The following NXPE4 variants were observed in gnomAD, a reference collection of about 807,000 sequenced individuals.
The protein encoded by NXPE4 is neurexophilin and PC-esterase domain family member 4, also known as NXPE family member 4.
NXPE4 carries 42 observed loss-of-function variants against 33.3 expected under a neutral mutation model. The observed-to-expected ratio is 1.26, with a 90% CI of 0.98 to 1.63. The LOEUF is 1.63. Among genes scored for constraint, NXPE4 ranks in the 40% most tolerant of loss-of-function variants. The pLI is 0.00. For missense variants in NXPE4, 709 were observed against 647.6 expected (o/e 1.09, Z -1.03); for synonymous variants, 253 against 234.9 (o/e 1.08, Z -0.71).
the NXPE4 span, among the ~76,000 whole-genome samples, chr11:114,628,704 AC>A: frequency 1 from 149,640 of 150,194 alleles, 74,547 homozygotes; most frequent in Middle Eastern, 1. Context: ...GACACAAAAA[AC>A]CCCTTCAAAA....
the NXPE4 span, among the ~76,000 whole-genome samples, chr11:114,631,300 T>G: frequency 6.6e-6 from 1 of 151,600 alleles, no homozygotes; most frequent in Non-Finnish European, 1.5e-5. Flanking sequence ...TAGACTGGAT[T>G]AAGAAAATGT....
intron 1 of NXPE4, among the ~76,000 whole-genome samples, 170 bp from the exon 2 acceptor site, chr11:114,594,939 G>A (rs1949546634): frequency 6.6e-6 from 1 of 151,974 alleles, no homozygotes; most frequent in Non-Finnish European, 1.5e-5. Flanking sequence ...GTATCTCCCA[G>A]GTGCTCTCTT....
the NXPE4 span, among the ~76,000 whole-genome samples, chr11:114,663,670 C>T: frequency 1.6e-4 from 18 of 113,732 alleles, no homozygotes; most frequent in South Asian, 6.3e-4. Flanking sequence ...TATCTATCAT[C>T]TATCTATTTA....
chr11:114,659,518 A>G, the NXPE4 span, among the ~76,000 whole-genome samples: 5 of 105,076 alleles, frequency 4.8e-5, no homozygotes, highest in African/African-American at 6.8e-5. Context: ...TGGTCTAACA[A>G]AAAAAGTTTG....
At chr11:114,641,452 G>T in the NXPE4 span, among the ~76,000 whole-genome samples, 2 of 151,944 alleles carry the variant, frequency 1.3e-5, no homozygotes, top group Non-Finnish European at 2.9e-5. Context: ...CAAAATATTT[G>T]ACAATGAATA....
chr11:114,668,155 CA>C, the NXPE4 span, among the ~76,000 whole-genome samples: 14,013 of 152,004 alleles, frequency 0.092, 773 homozygotes, highest in Middle Eastern at 0.2. Flanking sequence ...CTCTCAACTC[CA>C]AACTACTTTT....
the NXPE4 span, among the ~76,000 whole-genome samples, chr11:114,623,095 G>A: frequency 1.5e-4 from 23 of 151,950 alleles, no homozygotes; most frequent in Admixed American, 2.0e-4. Flanking sequence ...GATAATTAGC[G>A]TTGCCTGGCG....
chr11:114,658,171 C>T, the NXPE4 span, among the ~76,000 whole-genome samples: 23 of 152,126 alleles, frequency 1.5e-4, no homozygotes, highest in Non-Finnish European at 3.1e-4. Context: ...AAATTGAGGT[C>T]ACAGGCCAAC....
At chr11:114,595,822 G>C (rs759361207), upstream of NXPE4, 9 of 152,252 alleles carry the variant, frequency 5.9e-5, no homozygotes, top group African/African-American at 9.7e-5. Context: ...GGAGGGGCCT[G>C]GATCACAAAC....
chr11:114,654,149 C>A, the NXPE4 span, among the ~76,000 whole-genome samples: 3 of 152,008 alleles, frequency 2.0e-5, no homozygotes, highest in Non-Finnish European at 4.4e-5. Flanking sequence ...CAATCTACAA[C>A]CCTCAGCCTG....
At chr11:114,595,343 T>C (rs1449178139) in intron 1 of NXPE4, among the ~76,000 whole-genome samples, 2 of 152,192 alleles carry the variant, frequency 1.3e-5, no homozygotes, top group Non-Finnish European at 1.5e-5. Context: ...TATTTTTCCA[T>C]GATTCATCTT....
In NXPE4 at chr11:114,571,139, C is replaced by T; in HGVS notation, c.1434G>A (p.Arg478=). ...TMVIIKTENI[R]EMYNDAERFS... The stretch of plus-strand genomic sequence containing the variant: ...ATCTTTCTGCATCATTGTACATCTC[C>T]CTGATGTTTTCTGTTTTGATGATAA... Residue 478 remains arginine (R), a synonymous_variant, in exon 6 of 6, where the codon AGG becomes AGA. Coordinates refer to ENST00000375478, the MANE Select transcript of NXPE4 (RefSeq NM_001077639.2). The T allele has an allele frequency of 6.2e-7, 1 of 1,613,658 alleles. No homozygotes were observed. Among genetic ancestry groups the T allele is most frequent in the Non-Finnish European group, 8.5e-7 (1 of 1,179,718 alleles).
chr11:114,588,406 C>T (rs986574491), intron 2 of NXPE4, among the ~76,000 whole-genome samples: 5 of 152,160 alleles, frequency 3.3e-5, no homozygotes, highest in Non-Finnish European at 1.5e-5. Context: ...AAATTTAACT[C>T]AGGTGTCTAA....
chr11:114,656,291 A>G, the NXPE4 span, among the ~76,000 whole-genome samples: 5 of 152,172 alleles, frequency 3.3e-5, no homozygotes, highest in African/African-American at 9.6e-5. Context: ...GATACAAACA[A>G]ATGGAAAAGC....
the NXPE4 span, among the ~76,000 whole-genome samples, chr11:114,607,281 G>A: frequency 1.3e-5 from 2 of 149,062 alleles, no homozygotes; most frequent in East Asian, 2.0e-4. Context: ...AACCACTGTT[G>A]CCTGGTGGAT....
At chr11:114,640,093 A>ATGATT in the NXPE4 span, among the ~76,000 whole-genome samples, 1 of 124,010 alleles carries the variant, frequency 8.1e-6, no homozygotes, top group Non-Finnish European at 1.6e-5. Context: ...AATGTAATAT[A>ATGATT]ATATATGATT....
In NXPE4 at chr11:114,582,556, C is replaced by T. The variant is rs1352182773; in HGVS notation, c.562G>A (p.Val188Met). The T allele has an allele frequency of 1.2e-6, 2 of 1,614,076 alleles. No homozygotes were observed. Among genetic ancestry groups the T allele is most frequent in the Non-Finnish European group, 1.7e-6 (2 of 1,180,020 alleles). The change falls in exon 3 of 6, where the codon GTG (valine) becomes ATG (methionine). Residue 188 changes from valine to methionine, a missense_variant. By Grantham distance (21) the Val-to-Met change is conservative. Coordinates refer to ENST00000375478, the MANE Select transcript of NXPE4 (RefSeq NM_001077639.2). Reference protein sequence around the residue: ...SLLLIHPSEGVSALWSARNQG... With the variant: ...SLLLIHPSEGMSALWSARNQG... ...TTCCTTGCACTCCAGAGAGCTGACA[C>T]CCCTTCACTGGGGTGGATGAGCAGC...
chr11:114,626,672 G>T, the NXPE4 span, among the ~76,000 whole-genome samples: 1 of 152,216 alleles, frequency 6.6e-6, no homozygotes, highest in Non-Finnish European at 1.5e-5. Context: ...GCTGGACGGA[G>T]AATGACTTTG....
chr11:114,626,366 C>T, the NXPE4 span, among the ~76,000 whole-genome samples: 1 of 152,310 alleles, frequency 6.6e-6, no homozygotes, highest in African/African-American at 2.4e-5. Context: ...GGGTCCCTGA[C>T]CCCTGACCCC....
Sources: gnomAD v4.1 joint callset for allele counts (sites outside exome capture counted in the v4.1 genomes callset) on GRCh38, gnomAD v4.1.1 for gene constraint, MANE v1.5 for transcripts, NCBI Gene and HGNC (gene_info 2026-07-23, HGNC 2026-07-21) for gene names.